The following MYOM2 variants were observed in gnomAD, a reference collection of about 807,000 sequenced individuals.
MYOM2 encodes the protein myomesin 2, also known as myomesin-2.
Under a neutral mutation model 187.6 loss-of-function variants are expected in MYOM2, and 254 were observed. That is an observed-to-expected ratio of 1.35 (90% CI 1.22 to 1.50). The LOEUF (loss-of-function observed/expected upper bound fraction) is 1.50, where lower values mean the gene tolerates loss of function less well. Among genes scored for constraint, MYOM2 ranks in the 40% most tolerant of loss-of-function variants. The pLI is 0.00. For missense variants in MYOM2, 2,796 were observed against 1,924.0 expected (o/e 1.45, Z -8.48); for synonymous variants, 981 against 753.8 (o/e 1.30, Z -4.94).
rs547999497 is a variant in MYOM2, at chr8:2,074,888, C to T, written c.1121-1253C>T. Among the ~76,000 whole-genome samples the T allele has an allele frequency of 4.6e-5, 7 of 152,336 alleles. No homozygotes were observed. The South Asian group carries it at 1.2e-3, about 27-fold the overall frequency. ...CTGACCTACAAAGAAGGCGTCAGAG[C>T]GCTCCTGCGCCATGTAGCTGCTGCT... On this transcript the variant is annotated intron_variant, in intron 10 of 36. Transcript: ENST00000262113.
intron 32 of MYOM2, among the ~76,000 whole-genome samples, chr8:2,139,978 G>A (rs984241266): frequency 6.6e-6 from 1 of 152,090 alleles, no homozygotes; most frequent in Non-Finnish European, 1.5e-5. Flanking sequence ...GTGGTGTTAA[G>A]TACATTCACA....
rs1481973551 is a variant in MYOM2 at position 2,117,968 on chromosome 8, C to T, written c.3453+16C>T. 1 of 1,608,424 alleles carries T rather than the reference C, an allele frequency of 6.2e-7. No individual in the cohort carries two copies. Among genetic ancestry groups the T allele is most frequent in the African/African-American group, 1.3e-5 (1 of 74,744 alleles). The stretch of plus-strand genomic sequence containing the variant: ...TGTTTGCAAGGTGAGAAACCCGGTT[C>T]TAACAGGAAAACAATAAATCTCATT... On this transcript the variant is annotated intron_variant, in intron 28 of 36. Coordinates refer to ENST00000262113, the MANE Select transcript of MYOM2 (RefSeq NM_003970.4).
rs763164767 is a variant in MYOM2, at chr8:2,052,262, G to C, written c.212G>C (p.Cys71Ser). ...TSLGGTICRV[C>S]AKRVSTQEDE... is the part of the protein sequence containing the mutation. ...CTGGGAGGAACCATCTGCAGGGTCT[G>C]TGCGAAGCGAGTGAGCACGCAGGAA... Residue 71 changes from cysteine (C) to serine (S), a missense_variant, in exon 3 of 37, where the codon TGT (cysteine) becomes TCT (serine). Transcript: ENST00000262113. 3.7e-6 allele frequency: 6 copies of C among 1,611,812 alleles called. No homozygotes were observed. In the South Asian group the frequency reaches 6.6e-5, roughly 18 times the overall value.
At chr8:2,112,696 T>G (rs1025324127) in intron 25 of MYOM2, among the ~76,000 whole-genome samples, 1 of 152,188 alleles carries the variant, frequency 6.6e-6, no homozygotes, top group African/African-American at 2.4e-5. Flanking sequence ...CTAAAGCCTC[T>G]CCGGTGGCAC....
intron 1 of MYOM2, among the ~76,000 whole-genome samples, chr8:2,047,776 G>A (rs559816627): frequency 6.6e-6 from 1 of 152,346 alleles, no homozygotes; most frequent in African/African-American, 2.4e-5. Context: ...AGTGAGGATT[G>A]CAGGAAGTGT....
At chr8:2,134,222 TC>T (rs1410522415) in intron 32 of MYOM2, among the ~76,000 whole-genome samples, 2 of 151,852 alleles carry the variant, frequency 1.3e-5, no homozygotes, top group African/African-American at 4.8e-5. Context: ...GCTCCTGGTT[TC>T]CCCCCTGTCT....
intron 18 of MYOM2, among the ~76,000 whole-genome samples, chr8:2,098,580 A>T (rs1193011478): frequency 6.6e-6 from 1 of 152,106 alleles, no homozygotes; most frequent in African/African-American, 2.4e-5. Flanking sequence ...CCGCTGGGGT[A>T]TCACCTGTCC....
In MYOM2 at chr8:2,076,243, C is replaced by T; in HGVS notation, c.1223C>T (p.Thr408Ile). 1.2e-6 allele frequency: 2 copies of T among 1,613,756 alleles called. No individual in the cohort carries two copies. The highest frequency in any genetic ancestry group is 1.7e-6 in the Non-Finnish European group (2 of 1,179,934). The change falls in exon 11 of 37, where the codon ACC (threonine) becomes ATC (isoleucine). Residue 408 changes from threonine (T) to isoleucine (I), a missense_variant. Coordinates refer to ENST00000262113, the MANE Select transcript of MYOM2 (RefSeq NM_003970.4). ...ATCGTGACCTGGAAGCCGCCCAACA[C>T]CACCACTGAGAGCCCCGTCATGGGC... ...YVIVTWKPPNTTTESPVMGYF... is the reference protein window; with the variant it reads ...YVIVTWKPPNITTESPVMGYF...
At chr8:2,085,562 G>GGCACTCCA (rs1214539833) in intron 14 of MYOM2, among the ~76,000 whole-genome samples, 172 bp downstream of exon 14, 2 of 12,942 alleles carry the variant, frequency 1.5e-4, no homozygotes, top group African/African-American at 1.3e-3. Flanking sequence ...CATGATCTCT[G>GGCACTCCA]CGTGGCCCCA....
intron 6 of MYOM2, among the ~76,000 whole-genome samples, chr8:2,066,871 C>T (rs1367049853): frequency 2.6e-5 from 4 of 152,210 alleles, no homozygotes; most frequent in South Asian, 4.1e-4. Context: ...AGGACAGCAG[C>T]GTAGCTTCTA....
rs1318919017 is a variant in MYOM2, at chr8:2,145,148, C to A, written c.*167C>A. 2.0e-5 allele frequency: 14 copies of A among 714,730 alleles called. No individual in the cohort carries two copies. The highest frequency in any genetic ancestry group is 2.7e-5 in the Non-Finnish European group (12 of 436,390). 44.3% of individuals were successfully genotyped at this position (714,730 alleles called of 1,614,324 possible). A position where few individuals can be genotyped will look rare whatever the true frequency, so the allele number is the denominator to read the frequency against. On this transcript the variant is annotated 3_prime_UTR_variant, in exon 37 of 37. Coordinates refer to ENST00000262113, the MANE Select transcript of MYOM2 (RefSeq NM_003970.4). ...GCATTTGGTGATGAATATTTTATACCCGTCTAAGGGAGAAAGCTAATGTTT... is the reference window on the plus strand; with the variant it reads ...GCATTTGGTGATGAATATTTTATACACGTCTAAGGGAGAAAGCTAATGTTT...
At chr8:2,053,891 G>T (rs1818571981) in intron 3 of MYOM2, among the ~76,000 whole-genome samples, 1 of 152,236 alleles carries the variant, frequency 6.6e-6, no homozygotes, top group Non-Finnish European at 1.5e-5. Flanking sequence ...CCATGGGGAA[G>T]ATCGTTTTGA....
chr8:2,123,800 T>C (rs2280898), intron 30 of MYOM2, among the ~76,000 whole-genome samples, 158 bp downstream of exon 30: 112,024 of 152,152 alleles, frequency 0.74, 41,305 homozygotes, highest in East Asian at 0.8. Context: ...CTTTGGTTGC[T>C]TTCAGAGTTT....
At chr8:2,094,307 G>A (rs150087118) in intron 17 of MYOM2, among the ~76,000 whole-genome samples, 50 of 149,608 alleles carry the variant, frequency 3.3e-4, no homozygotes, top group Non-Finnish European at 4.4e-4. Flanking sequence ...CTAATAAAAC[G>A]CAAATTAAAA....
Position 2,057,352 on chromosome 8 carries a change from C to G in MYOM2, c.268C>G (p.Gln90Glu), listed in dbSNP as rs372894513. 6 of 1,603,898 alleles carry G rather than the reference C, an allele frequency of 3.7e-6. No individual in the cohort carries two copies. Among genetic ancestry groups the G allele is most frequent in the Middle Eastern group, 1.8e-4 (1 of 5,700 alleles). The change falls in exon 4 of 37, where the codon CAG (glutamine) becomes GAG (glutamate). Residue 90 changes from glutamine to glutamate, a missense_variant. Physicochemically the swap from Gln to Glu is conservative, Grantham distance 29. Coordinates refer to ENST00000262113, the MANE Select transcript of MYOM2 (RefSeq NM_003970.4). ...DEEQENRSRY[Q>E]SLVAAYGEAK... ...GCTGCTTCTCGGCTCCTGCAGGTAC[C>G]AGTCCCTGGTGGCCGCCTATGGTGA...
intron 13 of MYOM2, among the ~76,000 whole-genome samples, chr8:2,080,166 T>A (rs1819571034): frequency 6.6e-6 from 1 of 152,192 alleles, no homozygotes; most frequent in Admixed American, 6.5e-5. Flanking sequence ...CATTATTAAC[T>A]AGAAATCAAA....
intron 25 of MYOM2, among the ~76,000 whole-genome samples, chr8:2,111,626 G>T (rs1043669379): frequency 6.6e-6 from 1 of 152,166 alleles, no homozygotes; most frequent in African/African-American, 2.4e-5. Context: ...GAAATCCAAG[G>T]TCCACGGGAC....
At chr8:2,120,689 A>AATATATATTTATATAT (rs1554432195) in intron 28 of MYOM2, among the ~76,000 whole-genome samples, 2 of 42,412 alleles carry the variant, frequency 4.7e-5, no homozygotes, top group Non-Finnish European at 9.3e-5. Context: ...ATTATATATA[A>AATATATATTTATATAT]ATATATAATA....
chr8:2,118,019 AG>A lies in MYOM2; in HGVS notation c.3453+70del. 2.1e-6 allele frequency: 3 copies of A among 1,406,978 alleles called. No homozygotes were observed. The African/African-American group carries it at 4.2e-5, about 20-fold the overall frequency. 87.2% of individuals were successfully genotyped at this position (1,406,978 alleles called of 1,614,324 possible). On this transcript the variant is annotated intron_variant, in intron 28 of 36. Coordinates refer to ENST00000262113, the MANE Select transcript of MYOM2 (RefSeq NM_003970.4). Reference sequence around the variant, plus strand: ...CTGGTTCCTATCAGAGAGGCCTTTCAGGGAGTAGCTGTGGCCAGATCTGTGA... The same window carrying A: ...CTGGTTCCTATCAGAGAGGCCTTTCAGGAGTAGCTGTGGCCAGATCTGTGA...
Sources: allele counts gnomAD v4.1 joint callset (sites outside exome capture counted in the v4.1 genomes callset), GRCh38; gene constraint gnomAD v4.1.1; transcripts MANE v1.5; gene names NCBI Gene and HGNC (gene_info 2026-07-23, HGNC 2026-07-21).